Variants in RGS7BP observed in about 807,000 individuals in gnomAD.
The protein encoded by RGS7BP is regulator of G protein signaling 7 binding protein, also known as regulator of G protein signaling 7-binding protein.
RGS7BP carries 9 observed loss-of-function variants against 31.3 expected under a neutral mutation model. That is an observed-to-expected ratio of 0.29 (90% CI 0.17 to 0.50). The LOEUF (loss-of-function observed/expected upper bound fraction) is 0.50. RGS7BP is among the 20% of genes least tolerant of loss of function. The pLI, the probability that RGS7BP is intolerant of heterozygous loss-of-function variation, is 0.98. For synonymous variants in RGS7BP, 115 were observed against 120.1 expected (o/e 0.96, Z 0.28); for missense variants, 274 against 322.0 (o/e 0.85, Z 1.14).
intron 2 of RGS7BP, among the ~76,000 whole-genome samples, chr5:64,537,817 CT>C (rs1741413504): frequency 6.6e-6 from 1 of 152,160 alleles, no homozygotes; most frequent in South Asian, 2.1e-4. Flanking sequence ...TGCTATGCTG[CT>C]AAAAGCATTC....
In RGS7BP at chr5:64,506,408, C is replaced by G. The variant is rs964752864; in HGVS notation, c.-217C>G. 2.4e-6 allele frequency: 1 copy of G among 410,284 alleles called. No homozygotes were observed. 25.4% of individuals were successfully genotyped at this position (410,284 alleles called of 1,614,324 possible). On this transcript the variant is annotated 5_prime_UTR_variant, in exon 1 of 6. Coordinates refer to ENST00000334025, the MANE Select transcript of RGS7BP (RefSeq NM_001029875.3). This position sits in a 1 kb window ranked among gnomAD's most constrained non-coding sequence, Gnocchi z 4.6. ...GCAGAACTTGATCGCGCTCCTTCCT[C>G]GCTGCTAGTGGAAGCGATGCTGCAC...
At chr5:64,519,546 C>T (rs1202558398) in intron 2 of RGS7BP, among the ~76,000 whole-genome samples, 1 of 152,200 alleles carries the variant, frequency 6.6e-6, no homozygotes, top group East Asian at 1.9e-4. Context: ...CTGGGCTGAA[C>T]TTTGAAGAGC....
intron 2 of RGS7BP, among the ~76,000 whole-genome samples, chr5:64,550,523 G>A (rs1741767074): frequency 6.7e-6 from 1 of 149,126 alleles, no homozygotes; most frequent in Non-Finnish European, 1.5e-5. Flanking sequence ...AATTTGGTGA[G>A]GGGATTCAGG....
intron 2 of RGS7BP, among the ~76,000 whole-genome samples, chr5:64,544,064 T>C (rs1412857400): frequency 1.3e-5 from 2 of 152,250 alleles, no homozygotes; most frequent in Non-Finnish European, 2.9e-5. Context: ...CATGTGTAAG[T>C]GAACTAATGA....
intron 2 of RGS7BP, among the ~76,000 whole-genome samples, chr5:64,548,475 G>A (rs753130101): frequency 5.3e-5 from 8 of 152,048 alleles, no homozygotes; most frequent in Non-Finnish European, 8.8e-5. Context: ...TTCAAGATTT[G>A]AAGTATTTTA....
intron 2 of RGS7BP, among the ~76,000 whole-genome samples, chr5:64,552,952 G>A (rs368085791): frequency 1.3e-5 from 2 of 152,030 alleles, no homozygotes; most frequent in Non-Finnish European, 2.9e-5. Flanking sequence ...TAAATTATCC[G>A]GACTTACTTC....
At position 64,594,757 on chromosome 5, in the gene RGS7BP, G is replaced by C; in HGVS notation, c.511G>C (p.Glu171Gln). 6.2e-7 allele frequency: 1 copy of C among 1,613,784 alleles called. No homozygotes were observed. Among genetic ancestry groups the C allele is most frequent in the Non-Finnish European group, 8.5e-7 (1 of 1,179,812 alleles). Residue 171 changes from glutamate to glutamine, a missense_variant, in exon 4 of 6, where the codon GAG becomes CAG. Physicochemically the swap from Glu to Gln is conservative, Grantham distance 29. Coordinates refer to ENST00000334025, the MANE Select transcript of RGS7BP (RefSeq NM_001029875.3). ...CAAGAGTTTGGATTGCAAAATTGAGGAGAGTGCTGAAACACCTGCCCTAGA... is the reference window on the plus strand; with the variant it reads ...CAAGAGTTTGGATTGCAAAATTGAGCAGAGTGCTGAAACACCTGCCCTAGA... ...GTKSLDCKIEESAETPALEDS... is the reference protein window; with the variant it reads ...GTKSLDCKIEQSAETPALEDS...
intron 3 of RGS7BP, among the ~76,000 whole-genome samples, chr5:64,576,251 T>A (rs1042748588): frequency 1.3e-5 from 2 of 152,196 alleles, no homozygotes; most frequent in Admixed American, 1.3e-4. Flanking sequence ...TTTTCCTAAA[T>A]GAATTAAGTT....
intron 2 of RGS7BP, among the ~76,000 whole-genome samples, chr5:64,566,090 A>G (rs1742162966): frequency 6.6e-6 from 1 of 152,002 alleles, no homozygotes; most frequent in African/African-American, 2.4e-5. Context: ...TCATCATATC[A>G]ACTAAAGCAT....
chr5:64,594,944 C>A, intron 4 of RGS7BP, 87 bp downstream of exon 4: 1 of 1,401,098 alleles, frequency 7.1e-7, no homozygotes, highest in South Asian at 1.3e-5. Context: ...TTTTCTAGTT[C>A]AGATTCAGAA....
chr5:64,600,953 G>A (rs138553462), intron 5 of RGS7BP, among the ~76,000 whole-genome samples: 3 of 152,220 alleles, frequency 2.0e-5, no homozygotes, highest in Non-Finnish European at 2.9e-5. Flanking sequence ...GATTCTTCCT[G>A]TTACATAGAC....
intron 2 of RGS7BP, among the ~76,000 whole-genome samples, chr5:64,538,125 T>C (rs1741420079): frequency 6.6e-6 from 1 of 152,236 alleles, no homozygotes; most frequent in Non-Finnish European, 1.5e-5. Flanking sequence ...TAGCTAATTT[T>C]AATTAATATT....
chr5:64,528,838 G>GTGGGA (rs1749300702), intron 2 of RGS7BP, among the ~76,000 whole-genome samples: 1 of 141,930 alleles, frequency 7.0e-6, no homozygotes, highest in Non-Finnish European at 1.5e-5. Context: ...AAAAAAAAAA[G>GTGGGA]TGGGAGGGAG....
At chr5:64,508,117 T>C (rs966788344) in intron 2 of RGS7BP, among the ~76,000 whole-genome samples, 1 of 152,234 alleles carries the variant, frequency 6.6e-6, no homozygotes, top group Non-Finnish European at 1.5e-5. Flanking sequence ...TTTAAAAACT[T>C]AATTTTCAAT....
chr5:64,592,379 C>T (rs1742942222), intron 3 of RGS7BP, among the ~76,000 whole-genome samples: 1 of 152,124 alleles, frequency 6.6e-6, no homozygotes, highest in Non-Finnish European at 1.5e-5. Context: ...CCTGCCTTTA[C>T]AAGCCCATAG....
chr5:64,506,330 T>TGCGAGCCCGCGCCAGC lies in RGS7BP; in HGVS notation c.-292_-277dup, dbSNP rs1471253492. ...GCAATCCATGCCGAGAGGAAGGCAGTGCGAGCCCGCGCCAGCGCCCAGCTC... is the reference window on the plus strand; with the variant it reads ...GCAATCCATGCCGAGAGGAAGGCAGTGCGAGCCCGCGCCAGCGCGAGCCCGCGCCAGCGCCCAGCTC... On this transcript the variant is annotated 5_prime_UTR_variant, in exon 1 of 6. It removes the in-frame stop codon of an upstream open reading frame in the 5' UTR. Coordinates refer to ENST00000334025, the MANE Select transcript of RGS7BP (RefSeq NM_001029875.3). The surrounding 1 kb of genome is among the most constrained non-coding windows in gnomAD (Gnocchi z 4.6). 2.0e-5 allele frequency: 6 copies of TGCGAGCCCGCGCCAGC among 299,836 alleles called. No homozygotes were observed. The highest frequency in any genetic ancestry group is 3.1e-5 in the Non-Finnish European group (5 of 163,608). 18.6% of individuals were successfully genotyped at this position (299,836 alleles called of 1,614,324 possible). A position where few individuals can be genotyped will look rare whatever the true frequency, so the allele number is the denominator to read the frequency against.
At chr5:64,512,977 T>C (rs768177872) in intron 2 of RGS7BP, among the ~76,000 whole-genome samples, 4 of 152,238 alleles carry the variant, frequency 2.6e-5, no homozygotes, top group Non-Finnish European at 5.9e-5. Flanking sequence ...TCTGTTAAAT[T>C]CTCTGCACGC....
At position 64,611,856 on chromosome 5, in the gene RGS7BP, A is replaced by C. The variant is rs181240624; in HGVS notation, c.*2604A>C. The stretch of plus-strand genomic sequence containing the variant: ...TGCCCCACTCTCCTCTCACCTACCA[A>C]AGGATTTTCTCAGGTGTGGTTCCAA... On this transcript the variant is annotated 3_prime_UTR_variant, in exon 6 of 6. Transcript: ENST00000334025. 4.1e-4 allele frequency: 63 copies of C among 151,936 alleles called. No homozygotes were observed. Among genetic ancestry groups the C allele is most frequent in the African/African-American group, 1.5e-3 (63 of 41,466 alleles). The allele number at this position is 151,936 out of a possible 1,614,324, so 9.4% of individuals were successfully genotyped here.
chr5:64,518,974 C>T (rs1249870801), intron 2 of RGS7BP, among the ~76,000 whole-genome samples: 1 of 152,174 alleles, frequency 6.6e-6, no homozygotes, highest in East Asian at 1.9e-4. Context: ...CTGAATGTCT[C>T]AGCAGCCAGG....
Sources: gnomAD v4.1 joint callset for allele counts (sites outside exome capture counted in the v4.1 genomes callset) on GRCh38, gnomAD v4.1.1 for gene constraint, Gnocchi (gnomAD v3.1) non-coding constraint, MANE v1.5 for transcripts, NCBI Gene and HGNC (gene_info 2026-07-23, HGNC 2026-07-21) for gene names.